Variants in CDH13 observed in about 807,000 individuals in gnomAD.
The protein encoded by CDH13 is cadherin-13.
CDH13 carries 24 observed loss-of-function variants against 63.8 expected under a neutral mutation model. The ratio of observed to expected loss-of-function variants is 0.38; its 90% CI spans 0.27 to 0.53. The LOEUF is 0.53. Ranked by LOEUF, CDH13 falls within the 20% of genes least tolerant of loss-of-function variation. CDH13 has a pLI of 0.85. For synonymous variants in CDH13, 503 were observed against 355.3 expected, an observed-to-expected ratio of 1.42 and a Z score of -4.67; for missense variants, 1,049 against 903.1, an observed-to-expected ratio of 1.16 and a Z score of -2.07.
intron 2 of CDH13, among the ~76,000 whole-genome samples, chr16:82,909,575 T>C (rs1159959328): frequency 1.3e-5 from 2 of 151,006 alleles, no homozygotes; most frequent in African/African-American, 2.4e-5. Context: ...CTCACAGTCA[T>C]GGCGGAAGGC....
intron 7 of CDH13, among the ~76,000 whole-genome samples, chr16:83,589,318 C>T (rs1355396510): frequency 7.5e-6 from 1 of 132,702 alleles, no homozygotes; most frequent in Non-Finnish European, 1.6e-5. Context: ...TTCCCCTCTC[C>T]CCCTCCCTCT....
rs568785690 is a variant in CDH13 at position 83,166,640 on chromosome 16, T to G, written c.483+41139T>G. Reference sequence around the variant, plus strand: ...ATAGATTGTGCTCTTACCTGCCCCATTTCCATATTTAATATATTCAGGCAT... The same window carrying G: ...ATAGATTGTGCTCTTACCTGCCCCAGTTCCATATTTAATATATTCAGGCAT... On this transcript the variant is annotated intron_variant, in intron 4 of 13. Transcript: ENST00000567109. Among the ~76,000 whole-genome samples the G allele has an allele frequency of 8.5e-4, 129 of 152,268 alleles. 1 individual carries two copies. Among genetic ancestry groups the G allele is most frequent in the African/African-American group, 3.1e-3 (127 of 41,580 alleles).
At chr16:83,079,186 A>G (rs539493129) in intron 3 of CDH13, among the ~76,000 whole-genome samples, 7 of 152,320 alleles carry the variant, frequency 4.6e-5, no homozygotes, top group African/African-American at 1.7e-4. Flanking sequence ...TTTCTACAGG[A>G]GAATTGGTCA....
chr16:82,693,736 A>G (rs1281740195), intron 1 of CDH13, among the ~76,000 whole-genome samples: 1 of 152,198 alleles, frequency 6.6e-6, no homozygotes, highest in Non-Finnish European at 1.5e-5. Context: ...GCTATTGCCT[A>G]TTGCCACTTG....
chr16:83,694,033 C>T (rs774707731), intron 10 of CDH13, among the ~76,000 whole-genome samples: 26 of 152,154 alleles, frequency 1.7e-4, no homozygotes, highest in Non-Finnish European at 1.9e-4. Flanking sequence ...TTCATGGTCA[C>T]AAGCAACAGA....
At chr16:83,728,643 G>C (rs1910705416) in intron 10 of CDH13, among the ~76,000 whole-genome samples, 1 of 152,174 alleles carries the variant, frequency 6.6e-6, no homozygotes, top group Non-Finnish European at 1.5e-5. Context: ...TCAAAGCACT[G>C]TGCCCAGCAG....
At chr16:83,419,442 C>A (rs1035575258) in intron 6 of CDH13, among the ~76,000 whole-genome samples, 2 of 152,178 alleles carry the variant, frequency 1.3e-5, no homozygotes, top group African/African-American at 2.4e-5. Context: ...CTTATTTAAA[C>A]CCCTCAGCCA....
intron 6 of CDH13, among the ~76,000 whole-genome samples, chr16:83,460,187 A>T (rs564497882): frequency 6.6e-6 from 1 of 152,264 alleles, no homozygotes; most frequent in African/African-American, 2.4e-5. Context: ...AGTAACAATT[A>T]GATGTATTTA....
chr16:82,871,732 C>G (rs1380569757), intron 2 of CDH13, among the ~76,000 whole-genome samples: 1 of 152,142 alleles, frequency 6.6e-6, no homozygotes, highest in Non-Finnish European at 1.5e-5. Flanking sequence ...TGTGAGTTGG[C>G]TTTGGAAACA....
chr16:83,647,126 C>T (rs997090198), intron 8 of CDH13, among the ~76,000 whole-genome samples: 83 of 151,766 alleles, frequency 5.5e-4, no homozygotes, highest in Non-Finnish European at 1.3e-4. Flanking sequence ...CTGTATAACA[C>T]GGTGAAATCC....
At chr16:82,889,259 A>G (rs1795253482) in intron 2 of CDH13, among the ~76,000 whole-genome samples, 1 of 150,824 alleles carries the variant, frequency 6.6e-6, no homozygotes. Flanking sequence ...TAACTGTAGC[A>G]CTCTTGATTC....
At chr16:83,555,653 G>T (rs989549334) in intron 7 of CDH13, among the ~76,000 whole-genome samples, 12 of 152,244 alleles carry the variant, frequency 7.9e-5, no homozygotes, top group African/African-American at 2.7e-4. Flanking sequence ...CCAAGGCTAA[G>T]TGGAACCATT....
intron 7 of CDH13, among the ~76,000 whole-genome samples, chr16:83,567,811 G>C (rs1567770642): frequency 2.0e-5 from 3 of 151,996 alleles, no homozygotes; most frequent in South Asian, 2.1e-4. Context: ...TAGCCAGGAT[G>C]GTCTCAATCT....
chr16:82,898,370 C>T (rs1310443380), intron 2 of CDH13, among the ~76,000 whole-genome samples: 1 of 152,118 alleles, frequency 6.6e-6, no homozygotes, highest in East Asian at 1.9e-4. Flanking sequence ...ACTAAAAATA[C>T]AAAAGTTAGC....
intron 3 of CDH13, among the ~76,000 whole-genome samples, chr16:83,051,323 A>G (rs557011332): frequency 2.6e-5 from 4 of 152,286 alleles, no homozygotes; most frequent in African/African-American, 9.6e-5. Flanking sequence ...ATCTATCTCT[A>G]AGGGATGGCA....
rs2151433683 is a variant in CDH13 at position 83,394,329 on chromosome 16, A to C, written c.781+49323A>C. Among the ~76,000 whole-genome samples the C allele has an allele frequency of 2.0e-5, 3 of 152,250 alleles. 1 individual carries two copies. The highest frequency in any genetic ancestry group is 3.4e-3 in the Middle Eastern group (1 of 294). On this transcript the variant is annotated intron_variant, in intron 6 of 13. Transcript: ENST00000567109. ...GGTTTTCAATTGCGTGCTCAAGGAAAGCTGCTTGTCTGGGAAAGCAATATT... is the reference window on the plus strand; with the variant it reads ...GGTTTTCAATTGCGTGCTCAAGGAACGCTGCTTGTCTGGGAAAGCAATATT...
intron 11 of CDH13, among the ~76,000 whole-genome samples, chr16:83,755,833 G>T (rs1225246375): frequency 6.6e-6 from 1 of 151,144 alleles, no homozygotes; most frequent in Non-Finnish European, 1.5e-5. Flanking sequence ...GGAAAATGAT[G>T]CCAGAGAGGC....
intron 4 of CDH13, among the ~76,000 whole-genome samples, chr16:83,160,806 G>T (rs1468898550): frequency 6.6e-6 from 1 of 152,176 alleles, no homozygotes; most frequent in African/African-American, 2.4e-5. Context: ...ATGGCAACCT[G>T]CATTTTTAAA....
intron 3 of CDH13, among the ~76,000 whole-genome samples, chr16:83,093,539 C>T (rs998944842): frequency 4.0e-5 from 6 of 151,776 alleles, no homozygotes; most frequent in African/African-American, 9.7e-5. Flanking sequence ...AGCCTGGTCT[C>T]GAACTCCTGA....
Sources: gnomAD v4.1 joint callset for allele counts (sites outside exome capture counted in the v4.1 genomes callset) on GRCh38, gnomAD v4.1.1 for gene constraint, MANE v1.5 for transcripts, NCBI Gene and HGNC (gene_info 2026-07-23, HGNC 2026-07-21) for gene names.